RALYL: variants seen among roughly 807,000 people sequenced by gnomAD.
The protein encoded by RALYL is RNA-binding Raly-like protein.
RALYL carries 29 observed loss-of-function variants against 35.1 expected under a neutral mutation model. The observed-to-expected ratio is 0.83, with a 90% confidence interval of 0.61 to 1.13. The LOEUF is 1.13. RALYL is among the 50% of genes most tolerant of loss of function. RALYL has a pLI of 0.00. For synonymous variants in RALYL, 120 were observed against 127.6 expected (o/e 0.94, Z 0.40); for missense variants, 359 against 360.4 (o/e 1.00, Z 0.03).
chr8:84,507,644 A>G (rs987368117), intron 1 of RALYL, among the ~76,000 whole-genome samples: 20 of 152,180 alleles, frequency 1.3e-4, no homozygotes, highest in Non-Finnish European at 1.3e-4. Context: ...AGCTCAAATG[A>G]CTTTATAGCT....
chr8:84,437,385 G>C (rs1442954208), intron 1 of RALYL, among the ~76,000 whole-genome samples: 1 of 152,126 alleles, frequency 6.6e-6, no homozygotes, highest in African/African-American at 2.4e-5. Context: ...CCAGTAAAGG[G>C]ATTGCTAGGT....
chr8:84,575,087 T>A (rs1189995171), intron 2 of RALYL, among the ~76,000 whole-genome samples: 3 of 152,144 alleles, frequency 2.0e-5, no homozygotes, highest in African/African-American at 7.2e-5. Context: ...AGATTATGGT[T>A]TATAATTACA....
intron 1 of RALYL, among the ~76,000 whole-genome samples, chr8:84,410,916 C>T (rs1173946380): frequency 1.3e-5 from 2 of 151,632 alleles, no homozygotes; most frequent in Non-Finnish European, 1.5e-5. Context: ...AGGAAATAAA[C>T]TCTAGGATGA....
intron 1 of RALYL, among the ~76,000 whole-genome samples, chr8:84,265,125 A>G (rs1833046820): frequency 3.3e-5 from 5 of 152,200 alleles, no homozygotes; most frequent in Admixed American, 3.3e-4. Context: ...AATCTTTTTC[A>G]TAGTCCTTGT....
At chr8:84,730,385 C>G (rs1305257160) in intron 2 of RALYL, among the ~76,000 whole-genome samples, 3 of 152,074 alleles carry the variant, frequency 2.0e-5, no homozygotes, top group African/African-American at 7.2e-5. Flanking sequence ...GGATGTATCT[C>G]AAAATAATAA....
intron 1 of RALYL, among the ~76,000 whole-genome samples, chr8:84,355,893 G>T (rs1410113722): frequency 6.7e-6 from 1 of 150,178 alleles, no homozygotes; most frequent in Admixed American, 6.6e-5. Context: ...GTTTGGATTT[G>T]TGTCCCTGCC....
intron 1 of RALYL, among the ~76,000 whole-genome samples, chr8:84,450,677 T>C (rs1215195962): frequency 6.6e-6 from 1 of 152,018 alleles, no homozygotes; most frequent in Non-Finnish European, 1.5e-5. Context: ...TGCATTTTTT[T>C]CTACTTGTAT....
chr8:84,377,792 A>G (rs1232565371), intron 1 of RALYL, among the ~76,000 whole-genome samples: 1 of 151,828 alleles, frequency 6.6e-6, no homozygotes, highest in Non-Finnish European at 1.5e-5. Flanking sequence ...TCAGAATTAC[A>G]CATCCATAAA....
intron 2 of RALYL, among the ~76,000 whole-genome samples, chr8:84,696,325 A>G (rs1839139197): frequency 6.6e-6 from 1 of 151,902 alleles, no homozygotes; most frequent in Non-Finnish European, 1.5e-5. Context: ...GTGATCATCA[A>G]CCCAAGAAAA....
At chr8:84,913,026 GGATGGATA>G (rs137925100) in intron 8 of RALYL, among the ~76,000 whole-genome samples, 12,713 of 98,266 alleles carry the variant, frequency 0.13, 661 homozygotes, top group South Asian at 0.22. Flanking sequence ...ATGGATGGAT[GGATGGATA>G]GGTAGGTAGA....
At chr8:84,306,435 G>A (rs1237599797) in intron 1 of RALYL, among the ~76,000 whole-genome samples, 2 of 152,084 alleles carry the variant, frequency 1.3e-5, no homozygotes, top group Non-Finnish European at 2.9e-5. Flanking sequence ...ATAAGTATAG[G>A]TCAGACTTTG....
intron 2 of RALYL, among the ~76,000 whole-genome samples, chr8:84,713,342 A>T (rs1331052707): frequency 6.6e-6 from 1 of 152,030 alleles, no homozygotes; most frequent in Non-Finnish European, 1.5e-5. Flanking sequence ...TTTAATATTA[A>T]TCATAACTCA....
At chr8:84,802,413 A>T (rs1431235494) in intron 3 of RALYL, among the ~76,000 whole-genome samples, 1 of 152,172 alleles carries the variant, frequency 6.6e-6, no homozygotes, top group Non-Finnish European at 1.5e-5. Context: ...AAAACTTTGA[A>T]TTTCTTCTGA....
chr8:84,563,953 T>C (rs2061618582), intron 2 of RALYL, among the ~76,000 whole-genome samples: 1 of 151,814 alleles, frequency 6.6e-6, no homozygotes, highest in Non-Finnish European at 1.5e-5. Flanking sequence ...TTTACAGGTA[T>C]GTAAAAATGT....
intron 2 of RALYL, among the ~76,000 whole-genome samples, chr8:84,536,789 CT>C (rs1384220575): frequency 6.6e-6 from 1 of 152,170 alleles, no homozygotes; most frequent in Non-Finnish European, 1.5e-5. Flanking sequence ...AATTTCTTAA[CT>C]TGATAGGTTA....
chr8:84,899,042 T>C (rs1338101290), intron 8 of RALYL, among the ~76,000 whole-genome samples: 1 of 152,220 alleles, frequency 6.6e-6, no homozygotes, highest in African/African-American at 2.4e-5. Context: ...GTGAGTAGAC[T>C]GAGGGATGTT....
chr8:84,336,500 C>A (rs1847833204), intron 1 of RALYL, among the ~76,000 whole-genome samples: 1 of 152,048 alleles, frequency 6.6e-6, no homozygotes, highest in Non-Finnish European at 1.5e-5. Flanking sequence ...TCTTTTGTAT[C>A]AGAGAAGGAC....
chr8:84,348,728 G>A (rs947974732), intron 1 of RALYL, among the ~76,000 whole-genome samples: 4 of 151,576 alleles, frequency 2.6e-5, no homozygotes, highest in African/African-American at 9.7e-5. Context: ...TATTTATTTA[G>A]AACCAACTTT....
At chr8:84,368,612 G>A (rs112047378) in intron 1 of RALYL, among the ~76,000 whole-genome samples, 9,346 of 152,214 alleles carry the variant, frequency 0.061, 377 homozygotes, top group African/African-American at 0.11. Flanking sequence ...CACGTCTCAC[G>A]TGGCAGCAGA....
Sources: allele counts gnomAD v4.1 joint callset (sites outside exome capture counted in the v4.1 genomes callset), GRCh38; gene constraint gnomAD v4.1.1; transcripts MANE v1.5; gene names NCBI Gene and HGNC (gene_info 2026-07-23, HGNC 2026-07-21).